The following RBM20 variants were observed in gnomAD, a reference collection of about 807,000 sequenced individuals.
RBM20 encodes RNA-binding protein 20.
In RBM20, 51 loss-of-function variants were observed where a neutral mutation model predicts 110.1. That is an observed-to-expected ratio of 0.46 (90% CI 0.37 to 0.59). The LOEUF is 0.59. Among genes scored for constraint, RBM20 ranks in the 20% least tolerant of loss-of-function variants. RBM20 has a pLI of 0.00. For synonymous variants in RBM20, 589 were observed against 618.2 expected (o/e 0.95, Z 0.70); for missense variants, 1,512 against 1,574.9 (o/e 0.96, Z 0.68).
At chr10:110,653,051 T>G (rs1203861487) in intron 1 of RBM20, among the ~76,000 whole-genome samples, 1 of 152,154 alleles carries the variant, frequency 6.6e-6, no homozygotes, top group Non-Finnish European at 1.5e-5. Context: ...AAGGTTACTC[T>G]TTTTCCCCAG....
intron 1 of RBM20, among the ~76,000 whole-genome samples, chr10:110,693,683 A>T (rs1590621213): frequency 6.6e-6 from 1 of 152,176 alleles, no homozygotes; most frequent in Non-Finnish European, 1.5e-5. Context: ...TGTATATATG[A>T]TTGTTAATGT....
chr10:110,712,458 A>G (rs1243570262), intron 1 of RBM20, among the ~76,000 whole-genome samples: 1 of 152,196 alleles, frequency 6.6e-6, no homozygotes, highest in Non-Finnish European at 1.5e-5. Context: ...ATCTTTATTG[A>G]TTGAGGCCAA....
chr10:110,691,760 G>A (rs567482488), intron 1 of RBM20, among the ~76,000 whole-genome samples: 12 of 152,220 alleles, frequency 7.9e-5, no homozygotes, highest in Admixed American at 7.2e-4. Flanking sequence ...TTTAATGCAT[G>A]AAAGTTTTTA....
chr10:110,699,219 T>C (rs1225833030), intron 1 of RBM20, among the ~76,000 whole-genome samples: 1 of 151,628 alleles, frequency 6.6e-6, no homozygotes, highest in Non-Finnish European at 1.5e-5. Flanking sequence ...CATGCTGATT[T>C]TGAAAAGTAT....
chr10:110,822,082 G>A, intron 11 of RBM20, 147 bp downstream of exon 11: 1 of 841,570 alleles, frequency 1.2e-6, no homozygotes, highest in Non-Finnish European at 1.9e-6. Context: ...TAGCAACAAA[G>A]GCAAGCCTCT....
chr10:110,794,682 A>T (rs1844527943), intron 5 of RBM20, among the ~76,000 whole-genome samples: 1 of 152,218 alleles, frequency 6.6e-6, no homozygotes, highest in African/African-American at 2.4e-5. Flanking sequence ...ACAACAAGGG[A>T]ATTGGTAAAA....
At chr10:110,729,669 G>A (rs1477188709) in intron 1 of RBM20, among the ~76,000 whole-genome samples, 1 of 152,196 alleles carries the variant, frequency 6.6e-6, no homozygotes, top group African/African-American at 2.4e-5. Context: ...CGTCATCACT[G>A]TAGAGAACAC....
Position 110,739,095 on chromosome 10 carries a change from A to AT in RBM20, c.192-41702dup, listed in dbSNP as rs1843701271. Among the ~76,000 whole-genome samples the AT allele has an allele frequency of 6.6e-6, 1 of 152,076 alleles. No individual in the cohort carries two copies. Among genetic ancestry groups the AT allele is most frequent in the Non-Finnish European group, 1.5e-5 (1 of 68,002 alleles). On this transcript the variant is annotated intron_variant, in intron 1 of 13. Transcript: ENST00000369519. This position sits in a 1 kb window ranked among gnomAD's most constrained non-coding sequence, Gnocchi z 4.1. ...TCAGGAAGTACCTGTCGCAGGTGGC[A>AT]TTTTCTGGCTGGGCACAGGATCAGA...
At chr10:110,669,687 G>T (rs1862231867) in intron 1 of RBM20, among the ~76,000 whole-genome samples, 1 of 152,236 alleles carries the variant, frequency 6.6e-6, no homozygotes, top group African/African-American at 2.4e-5. Flanking sequence ...CTCCCAAAGT[G>T]TTGGGATTAC....
intron 1 of RBM20, among the ~76,000 whole-genome samples, chr10:110,774,791 C>G (rs1590670215): frequency 6.6e-6 from 1 of 152,240 alleles, no homozygotes; most frequent in Admixed American, 6.5e-5. Flanking sequence ...AGAGTTTGAA[C>G]TTTAGCCCCA....
At position 110,831,087 on chromosome 10, in the gene RBM20, G is replaced by A. The variant is rs374611807; in HGVS notation, c.3478G>A (p.Gly1160Ser). ...LGVEFVVPRT[G>S]FYCKLCGLFY... ...GGTGGAGTTCGTGGTTCCCAGGACT[G>A]GCTTTTATTGCAAGCTGTGTGGGCT... Residue 1160 changes from glycine to serine, a missense_variant, in exon 13 of 14, where the codon GGC (glycine) becomes AGC (serine). By Grantham distance (56) the Gly-to-Ser change is moderately conservative. Around this residue, in one of 3 missense-constraint regions of RBM20, gnomAD observed 358 missense variants for 384.2 expected, o/e 0.93. Coordinates refer to ENST00000369519, the MANE Select transcript of RBM20 (RefSeq NM_001134363.3). 3.9e-5 allele frequency: 61 copies of A among 1,551,352 alleles called. No individual in the cohort carries two copies. The highest frequency in any genetic ancestry group is 5.1e-5 in the Non-Finnish European group (59 of 1,146,846).
rs1844916348 is a variant in RBM20, at chr10:110,821,817, C to T, written c.3198C>T (p.Cys1066=). The stretch of plus-strand genomic sequence containing the variant: ...AGCCAAGCCCATTTGTGGATGATTG[C>T]AAGACCAGGGGGACCCCCGAAGATG... The part of the protein sequence containing the change: ...ARQPSPFVDD[C]KTRGTPEDGA... The change falls in exon 11 of 14, where the codon TGC becomes TGT. Residue 1066 remains cysteine (C), a synonymous_variant. Transcript: ENST00000369519. The T allele has an allele frequency of 2.6e-6, 4 of 1,551,594 alleles. No homozygotes were observed. Among genetic ancestry groups the T allele is most frequent in the Admixed American group, 2.0e-5 (1 of 50,986 alleles).
chr10:110,728,255 T>G (rs894790110), intron 1 of RBM20, among the ~76,000 whole-genome samples: 1 of 151,626 alleles, frequency 6.6e-6, no homozygotes, highest in Non-Finnish European at 1.5e-5. Context: ...GTGGCTGGCC[T>G]AGGTCTCCAG....
intron 1 of RBM20, among the ~76,000 whole-genome samples, chr10:110,751,109 T>C (rs1165115847): frequency 6.6e-6 from 1 of 152,222 alleles, no homozygotes; most frequent in African/African-American, 2.4e-5. Context: ...TACTTATAGC[T>C]ATCACTGCTG....
At chr10:110,714,336 C>CT (rs575106337) in intron 1 of RBM20, among the ~76,000 whole-genome samples, 40 of 152,272 alleles carry the variant, frequency 2.6e-4, no homozygotes, top group African/African-American at 9.6e-4. Flanking sequence ...TGGCAGATGT[C>CT]TCTAGTACCA....
At chr10:110,782,019 C>G in intron 2 of RBM20, 135 bp downstream of exon 2, 1 of 1,082,304 alleles carries the variant, frequency 9.2e-7, no homozygotes, top group Non-Finnish European at 1.3e-6. Context: ...GTATTCTTGA[C>G]TAAAATCACA....
At chr10:110,783,086 G>T (rs1240451230) in intron 2 of RBM20, among the ~76,000 whole-genome samples, 1 of 152,182 alleles carries the variant, frequency 6.6e-6, no homozygotes, top group African/African-American at 2.4e-5. Context: ...AGGGTCCATT[G>T]AGAGGGGTAG....
intron 11 of RBM20, chr10:110,822,413 C>T: frequency 2.2e-6 from 1 of 458,232 alleles, no homozygotes; most frequent in South Asian, 1.5e-5. Flanking sequence ...CTACCTCAGA[C>T]CCATTTTTTG....
intron 1 of RBM20, among the ~76,000 whole-genome samples, chr10:110,720,936 C>T (rs1843497747): frequency 6.6e-6 from 1 of 152,242 alleles, no homozygotes; most frequent in Non-Finnish European, 1.5e-5. Context: ...CACTTCATTT[C>T]CCGTGCTCTC....
Sources: gnomAD v4.1 joint callset for allele counts (sites outside exome capture counted in the v4.1 genomes callset) on GRCh38, gnomAD v4.1.1 for gene constraint, gnomAD v4.1.1 regional missense constraint, Gnocchi (gnomAD v3.1) non-coding constraint, MANE v1.5 for transcripts, NCBI Gene and HGNC (gene_info 2026-07-23, HGNC 2026-07-21) for gene names.